IGF1R: variants seen among roughly 807,000 people sequenced by gnomAD.
The protein encoded by IGF1R is insulin-like growth factor 1 receptor.
IGF1R carries 44 observed loss-of-function variants against 144.6 expected under a neutral mutation model. That is an observed-to-expected ratio of 0.30 (90% confidence interval 0.24 to 0.39). The LOEUF is 0.39. Among genes scored for constraint, IGF1R ranks in the 10% least tolerant of loss-of-function variants. IGF1R has a pLI of 1.00. For synonymous variants in IGF1R, 795 were observed against 722.8 expected, an observed-to-expected ratio of 1.10 and a Z score of -1.60; for missense variants, 1,355 against 1,833.7, an observed-to-expected ratio of 0.74 and a Z score of 4.77.
chr15:98,886,252 A>T (rs768895168), intron 2 of IGF1R, among the ~76,000 whole-genome samples: 1 of 152,304 alleles, frequency 6.6e-6, no homozygotes, highest in African/African-American at 2.4e-5. Flanking sequence ...GGAGAGGGAG[A>T]GAGTTAAAGG....
At chr15:98,696,185 T>C (rs2053594095) in intron 1 of IGF1R, among the ~76,000 whole-genome samples, 1 of 152,180 alleles carries the variant, frequency 6.6e-6, no homozygotes, top group African/African-American at 2.4e-5. Flanking sequence ...TCTATTGCAA[T>C]TCCAATCTGT....
chr15:98,956,267 C>T (rs551781457), intron 20 of IGF1R, among the ~76,000 whole-genome samples: 10 of 152,350 alleles, frequency 6.6e-5, no homozygotes, highest in Admixed American at 2.0e-4. Context: ...CCGATGCGAC[C>T]GACACACAGC....
At chr15:98,939,384 T>C (rs771929396) in intron 18 of IGF1R, 24 bp downstream of exon 18, 1 of 1,613,520 alleles carries the variant, frequency 6.2e-7, no homozygotes, top group Admixed American at 1.7e-5. Flanking sequence ...TTTCCAGGTC[T>C]GGGCAAGAAC....
intron 1 of IGF1R, chr15:98,650,863 T>A (rs1032404716): frequency 1.6e-5 from 16 of 975,226 alleles, no homozygotes; most frequent in Non-Finnish European, 1.9e-5. Flanking sequence ...CTGATAGCTT[T>A]TGTTTTGGTG....
intron 2 of IGF1R, among the ~76,000 whole-genome samples, chr15:98,750,963 G>GTT (rs143914749): frequency 9.3e-5 from 14 of 150,908 alleles, no homozygotes; most frequent in African/African-American, 3.2e-4. Context: ...TAATTTTTGT[G>GTT]TTTTTTTTGT....
intron 8 of IGF1R, 136 bp downstream of exon 8, chr15:98,913,418 A>G (rs1318589453): frequency 5.1e-6 from 4 of 792,052 alleles, no homozygotes; most frequent in Non-Finnish European, 4.5e-6. Flanking sequence ...ATACTGTGTC[A>G]TATTCATTTC....
At chr15:98,800,591 A>G (rs1379228838) in intron 2 of IGF1R, among the ~76,000 whole-genome samples, 2 of 152,210 alleles carry the variant, frequency 1.3e-5, no homozygotes, top group Admixed American at 6.5e-5. Context: ...TGTTAGCGTT[A>G]GAACCGCCAC....
chr15:98,896,920 C>A lies in IGF1R; in HGVS notation c.1102+15C>A. ...CCGACGGGGGAGTAAGTATTCCATC[C>A]CCCTGGAAAAACGGCTAGATCTCAT... On this transcript the variant is annotated intron_variant, in intron 4 of 20. Coordinates refer to ENST00000650285, the MANE Select transcript of IGF1R (RefSeq NM_000875.5). 2 of 1,613,444 alleles carry A rather than the reference C, an allele frequency of 1.2e-6. No homozygotes were observed. The highest frequency in any genetic ancestry group is 1.7e-6 in the Non-Finnish European group (2 of 1,179,714).
At chr15:98,917,306 G>GA (rs1371744443) in intron 10 of IGF1R, among the ~76,000 whole-genome samples, 4 of 152,318 alleles carry the variant, frequency 2.6e-5, no homozygotes, top group Middle Eastern at 3.4e-3. Flanking sequence ...AAGCAAGAGG[G>GA]AAAAAAGTCA....
chr15:98,664,989 G>T (rs1412838481), intron 1 of IGF1R, among the ~76,000 whole-genome samples: 1 of 133,564 alleles, frequency 7.5e-6, no homozygotes, highest in African/African-American at 2.9e-5. Flanking sequence ...ATGGAATCTC[G>T]CTCTGTCGTC....
At position 98,963,552 on chromosome 15, in the gene IGF1R, T is replaced by C. The variant is rs2017310233; in HGVS notation, c.*6110T>C. 1 of 233,296 alleles carries C rather than the reference T, an allele frequency of 4.3e-6. No individual in the cohort carries two copies. The highest frequency in any genetic ancestry group is 8.5e-6 in the Non-Finnish European group (1 of 118,052). The allele number at this position is 233,296 out of a possible 1,614,324, so 14.5% of individuals were successfully genotyped here. A position where few individuals can be genotyped will look rare whatever the true frequency, so the allele number is the denominator to read the frequency against. On this transcript the variant is annotated 3_prime_UTR_variant, in exon 21 of 21. Transcript: ENST00000650285. ...TGGCACCGTTCGGCATCTGGCTTGA[T>C]TGGTCTGGCTGCCGTCATTGTCAGC...
intron 2 of IGF1R, among the ~76,000 whole-genome samples, chr15:98,760,057 T>C (rs2048641): frequency 0.27 from 40,514 of 151,940 alleles, 5,854 homozygotes; most frequent in South Asian, 0.4. Context: ...ATTGAGCATC[T>C]GACTGGGCGC....
At chr15:98,918,401 A>T (rs1200437138) in intron 10 of IGF1R, among the ~76,000 whole-genome samples, 1 of 150,334 alleles carries the variant, frequency 6.7e-6, no homozygotes. Context: ...TTTTAAAGTG[A>T]TTTTTTTTTT....
chr15:98,656,454 CAGG>C (rs1285136567), intron 1 of IGF1R, among the ~76,000 whole-genome samples: 1 of 152,176 alleles, frequency 6.6e-6, no homozygotes, highest in Non-Finnish European at 1.5e-5. Context: ...GAGGCTGAGG[CAGG>C]AGAATTGCTG....
At chr15:98,654,224 CTG>C (rs141968668) in intron 1 of IGF1R, among the ~76,000 whole-genome samples, 2,777 of 152,298 alleles carry the variant, frequency 0.018, 80 homozygotes, top group African/African-American at 0.061. Flanking sequence ...TCACTGTAGA[CTG>C]TGACATACAG....
At chr15:98,770,601 A>G (rs1248626504) in intron 2 of IGF1R, among the ~76,000 whole-genome samples, 1 of 152,222 alleles carries the variant, frequency 6.6e-6, no homozygotes, top group African/African-American at 2.4e-5. Flanking sequence ...CACATCAATA[A>G]AAAATAAAGG....
intron 2 of IGF1R, 131 bp downstream of exon 2, chr15:98,708,238 ATGCCTGCTG>A (rs2053912972): frequency 3.7e-6 from 3 of 814,322 alleles, no homozygotes; most frequent in Non-Finnish European, 6.2e-6. Context: ...AGGACGTGGC[ATGCCTGCTG>A]TGCGGAAGTG....
rs2011571315 is a variant in IGF1R, at chr15:98,852,437, C to A, written c.641-38888C>A. On this transcript the variant is annotated intron_variant, in intron 2 of 20. Coordinates refer to ENST00000650285, the MANE Select transcript of IGF1R (RefSeq NM_000875.5). ...ACCAGGGCCCACCCTCCCCGCCGGCCAATCGCTGCGTTGGGAAATTCCACC... is the reference window on the plus strand; with the variant it reads ...ACCAGGGCCCACCCTCCCCGCCGGCAAATCGCTGCGTTGGGAAATTCCACC... Among the ~76,000 whole-genome samples, 9 of 152,244 alleles carry A rather than the reference C, an allele frequency of 5.9e-5. No individual in the cohort carries two copies. In the South Asian group the frequency reaches 1.9e-3, roughly 32 times the overall value.
chr15:98,878,753 G>C (rs1200259062), intron 2 of IGF1R, among the ~76,000 whole-genome samples: 1 of 151,270 alleles, frequency 6.6e-6, no homozygotes, highest in Non-Finnish European at 1.5e-5. Flanking sequence ...AGCACCTTGG[G>C]AGGCCAAGTC....
Sources: gnomAD v4.1 joint callset for allele counts (sites outside exome capture counted in the v4.1 genomes callset) on GRCh38, gnomAD v4.1.1 for gene constraint, MANE v1.5 for transcripts, NCBI Gene and HGNC (gene_info 2026-07-23, HGNC 2026-07-21) for gene names.